Variants in UNC79 observed in about 807,000 individuals in gnomAD.
UNC79 encodes the protein protein unc-79 homolog.
UNC79 carries 37 observed loss-of-function variants against 283.1 expected under a neutral mutation model. The ratio of observed to expected loss-of-function variants is 0.13; its 90% CI spans 0.10 to 0.17. The LOEUF (loss-of-function observed/expected upper bound fraction) is 0.17. UNC79 is among the 10% of genes least tolerant of loss of function. The probability of loss-of-function intolerance (pLI) is 1.00; values close to 1 mark genes in which losing one functional copy is unlikely to be tolerated. For missense variants in UNC79, 2,272 were observed against 3,211.1 expected (o/e 0.71, Z 7.07); for synonymous variants, 1,107 against 1,200.2 (o/e 0.92, Z 1.61).
chr14:93,389,739 C>T (rs2054847109), intron 1 of UNC79, among the ~76,000 whole-genome samples: 1 of 151,936 alleles, frequency 6.6e-6, no homozygotes, highest in Admixed American at 6.5e-5. Context: ...GCAACCTCCG[C>T]CTCCTGGGTT....
At chr14:93,333,584 A>C in intron 1 of UNC79, 1 of 395,380 alleles carries the variant, frequency 2.5e-6, no homozygotes, top group Non-Finnish European at 4.5e-6. Flanking sequence ...GTAGTAGGTT[A>C]AAAAATAATC....
At chr14:93,356,778 G>A (rs1421075823) in intron 1 of UNC79, among the ~76,000 whole-genome samples, 2 of 152,156 alleles carry the variant, frequency 1.3e-5, no homozygotes, top group Non-Finnish European at 2.9e-5. Flanking sequence ...TAAAGCTATG[G>A]TTAAAGCAAA....
intron 24 of UNC79, 41 bp from the exon 25 acceptor site, chr14:93,600,528 G>T: frequency 1.3e-6 from 2 of 1,501,794 alleles, no homozygotes; most frequent in South Asian, 2.4e-5. Context: ...GTTTATATCT[G>T]ACTTTCTTCT....
chr14:93,613,041 C>G, exon 27 of UNC79: 1 of 1,614,184 alleles, frequency 6.2e-7, no homozygotes, highest in East Asian at 2.2e-5. Flanking sequence ...AAAAAATGCG[C>G]CTGTCAACTT....
chr14:93,449,845 G>A (rs565993434), intron 1 of UNC79, among the ~76,000 whole-genome samples: 2 of 152,306 alleles, frequency 1.3e-5, no homozygotes, highest in Admixed American at 6.5e-5. Context: ...TATCTAGGGC[G>A]AGTGAGGGGG....
intron 42 of UNC79, among the ~76,000 whole-genome samples, chr14:93,683,753 C>A (rs1277926290): frequency 6.6e-6 from 1 of 150,642 alleles, no homozygotes; most frequent in Non-Finnish European, 1.5e-5. Context: ...ACTCTGATAG[C>A]AATCAATGAA....
intron 7 of UNC79, among the ~76,000 whole-genome samples, chr14:93,521,309 T>G (rs1429525055): frequency 1.3e-5 from 2 of 152,030 alleles, no homozygotes; most frequent in Non-Finnish European, 2.9e-5. Flanking sequence ...CTATCCAGCC[T>G]CATAGAGTTT....
intron 47 of UNC79, among the ~76,000 whole-genome samples, chr14:93,698,355 C>T (rs908576803): frequency 6.6e-6 from 1 of 151,118 alleles, no homozygotes; most frequent in Non-Finnish European, 1.5e-5. Context: ...TTTATTTTTG[C>T]TTAATGTATT....
chr14:93,562,875 A>G (rs1034145345), intron 14 of UNC79, among the ~76,000 whole-genome samples: 6 of 152,282 alleles, frequency 3.9e-5, no homozygotes, highest in African/African-American at 1.2e-4. Context: ...TCAATTTGCC[A>G]GTCCTGGGCA....
At position 93,580,130 on chromosome 14, in the gene UNC79, T is replaced by C; in HGVS notation, c.2434-19T>C. 6.3e-7 allele frequency: 1 copy of C among 1,592,558 alleles called. No individual in the cohort carries two copies. The highest frequency in any genetic ancestry group is 8.6e-7 in the Non-Finnish European group (1 of 1,167,842). ...TTTTTGTGTGTGTGTGCGTGTGTCC[T>C]TTTTTTGATGTCTTTCAGATGGAGT... is the stretch of plus-strand genomic sequence containing the variant. On this transcript the variant is annotated intron_variant, in intron 18 of 48. Coordinates refer to ENST00000555664, the Ensembl canonical transcript of UNC79.
intron 45 of UNC79, chr14:93,691,492 G>A (rs985264956): frequency 3.5e-6 from 2 of 569,696 alleles, no homozygotes; most frequent in African/African-American, 3.7e-5. Flanking sequence ...AAGGGGGTGG[G>A]TAGATTTCTT....
At chr14:93,353,010 G>A (rs2054009245) in intron 1 of UNC79, among the ~76,000 whole-genome samples, 1 of 152,170 alleles carries the variant, frequency 6.6e-6, no homozygotes, top group Non-Finnish European at 1.5e-5. Context: ...AGGTTCAACA[G>A]TTGGGGGAAT....
At chr14:93,423,074 A>G (rs2055639256) in intron 1 of UNC79, among the ~76,000 whole-genome samples, 3 of 33,458 alleles carry the variant, frequency 9.0e-5, no homozygotes, top group Admixed American at 1.0e-3. Flanking sequence ...AAAAAAAAAA[A>G]AAAAAAAAAA....
chr14:93,662,804 A>G (rs181890288), intron 40 of UNC79, 90 bp downstream of exon 43: 3 of 942,824 alleles, frequency 3.2e-6, no homozygotes, highest in Non-Finnish European at 4.7e-6. Context: ...CTTTTAGCTC[A>G]GTTGCTTCCA....
At chr14:93,704,889 G>T (rs2075766894) in intron 48 of UNC79, among the ~76,000 whole-genome samples, 2 of 152,134 alleles carry the variant, frequency 1.3e-5, no homozygotes. Flanking sequence ...TGGTGAGGAT[G>T]CAGTGGAGGG....
intron 1 of UNC79, among the ~76,000 whole-genome samples, chr14:93,448,801 G>C (rs1047432186): frequency 2.2e-4 from 33 of 152,334 alleles, no homozygotes; most frequent in Admixed American, 1.1e-3. Context: ...TCAGGGGTCA[G>C]TCAAAGATGT....
At position 93,621,895 on chromosome 14, in the gene UNC79, G is replaced by C. The variant is rs755571282; in HGVS notation, c.4662G>C (p.Thr1554=). The C allele has an allele frequency of 6.2e-7, 1 of 1,613,890 alleles. No individual in the cohort carries two copies. The highest frequency in any genetic ancestry group is 8.5e-7 in the Non-Finnish European group (1 of 1,180,014). ...GACGTTCTAGACAGAACTCTGCTAC[G>C]AGGCCTGACAATAGTGAAATCCCCG... Residue 1554 remains threonine (T), a synonymous_variant, in exon 30 of 49, where the codon ACG becomes ACC. Coordinates refer to ENST00000555664, the Ensembl canonical transcript of UNC79. The surrounding 1 kb of genome is among the most constrained non-coding windows in gnomAD (Gnocchi z 4.8).
chr14:93,663,830 A>G (rs1465547416), intron 40 of UNC79, among the ~76,000 whole-genome samples: 3 of 152,160 alleles, frequency 2.0e-5, no homozygotes, highest in Non-Finnish European at 4.4e-5. Flanking sequence ...TCTAGAAACC[A>G]TTTGATTTCT....
At chr14:93,490,736 C>G (rs2058683374) in intron 5 of UNC79, among the ~76,000 whole-genome samples, 1 of 152,178 alleles carries the variant, frequency 6.6e-6, no homozygotes, top group African/African-American at 2.4e-5. Context: ...GAAGCTTTTT[C>G]TACTGCTTTC....
Sources: gnomAD v4.1 joint callset for allele counts (sites outside exome capture counted in the v4.1 genomes callset) on GRCh38, gnomAD v4.1.1 for gene constraint, Gnocchi (gnomAD v3.1) non-coding constraint, MANE v1.5 for transcripts, NCBI Gene and HGNC (gene_info 2026-07-23, HGNC 2026-07-21) for gene names.